The following DLGAP2 variants were observed in gnomAD, a reference collection of about 807,000 sequenced individuals.
DLGAP2 encodes the protein DLG associated protein 2.
Under a neutral mutation model 100.3 loss-of-function variants are expected in DLGAP2, and 26 were observed. That is an observed-to-expected ratio of 0.26 (90% CI 0.19 to 0.36). The LOEUF is 0.36. DLGAP2 is among the 10% of genes least tolerant of loss of function. The pLI, the probability that DLGAP2 is intolerant of heterozygous loss-of-function variation, is 1.00. For missense variants in DLGAP2, 1,858 were observed against 1,453.2 expected (o/e 1.28, Z -4.53); for synonymous variants, 886 against 630.1 (o/e 1.41, Z -6.08).
intron 2 of DLGAP2, among the ~76,000 whole-genome samples, chr8:1,198,618 G>A (rs921973688): frequency 6.6e-6 from 1 of 152,150 alleles, no homozygotes; most frequent in African/African-American, 2.4e-5. Flanking sequence ...CTGCAGACTG[G>A]CAGACCCCAA....
intron 2 of DLGAP2, among the ~76,000 whole-genome samples, chr8:1,171,200 G>A (rs537642082): frequency 3.9e-5 from 6 of 152,284 alleles, no homozygotes; most frequent in South Asian, 2.1e-4. Flanking sequence ...TTTTGAGTGA[G>A]TTTCTTAATC....
intron 3 of DLGAP2, among the ~76,000 whole-genome samples, chr8:1,439,927 G>A (rs571446485): frequency 1.3e-5 from 2 of 152,212 alleles, no homozygotes; most frequent in East Asian, 1.9e-4. Flanking sequence ...GACAGTGAAC[G>A]GAGTTTTTAT....
intron 1 of DLGAP2, among the ~76,000 whole-genome samples, chr8:848,784 G>T (rs147092088): frequency 6.8e-6 from 1 of 146,950 alleles, no homozygotes; most frequent in Non-Finnish European, 1.5e-5. Flanking sequence ...GTGTAGGGTC[G>T]TGCGGTGCGT....
chr8:1,448,418 G>A (rs1162656190), intron 3 of DLGAP2, among the ~76,000 whole-genome samples: 1 of 152,156 alleles, frequency 6.6e-6, no homozygotes, highest in Non-Finnish European at 1.5e-5. Context: ...TCTTAGTCCT[G>A]ACTTCCAGTT....
intron 1 of DLGAP2, among the ~76,000 whole-genome samples, chr8:808,960 G>C (rs991761954): frequency 1.4e-5 from 2 of 146,550 alleles, no homozygotes; most frequent in Non-Finnish European, 3.0e-5. Flanking sequence ...AGGCTGAAGT[G>C]CAGTAGTATG....
chr8:1,655,867 C>G (rs533708469), intron 8 of DLGAP2, among the ~76,000 whole-genome samples: 1 of 152,338 alleles, frequency 6.6e-6, no homozygotes. Context: ...CAGGACATGT[C>G]CTAGACAGCG....
chr8:1,357,161 A>G (rs896894541), intron 3 of DLGAP2, among the ~76,000 whole-genome samples: 2 of 152,116 alleles, frequency 1.3e-5, no homozygotes, highest in African/African-American at 2.4e-5. Flanking sequence ...CAGTCTGTGG[A>G]CCAGGAAACG....
At chr8:1,699,805 C>A (rs142933530) in intron 14 of DLGAP2, among the ~76,000 whole-genome samples, 6 of 152,244 alleles carry the variant, frequency 3.9e-5, no homozygotes, top group African/African-American at 9.6e-5. Context: ...TCCTACAGTG[C>A]CACACCCACA....
intron 8 of DLGAP2, among the ~76,000 whole-genome samples, chr8:1,658,163 C>A (rs1048157061): frequency 1.3e-5 from 2 of 152,048 alleles, no homozygotes; most frequent in East Asian, 3.9e-4. Flanking sequence ...GAGGGCTCCA[C>A]CCTCCACCTG....
intron 1 of DLGAP2, among the ~76,000 whole-genome samples, chr8:822,458 G>T (rs1057404096): frequency 2.0e-5 from 3 of 152,248 alleles, no homozygotes; most frequent in East Asian, 3.9e-4. Context: ...AAACAGAGCT[G>T]TGTTTAAAAA....
intron 2 of DLGAP2, among the ~76,000 whole-genome samples, chr8:1,011,912 A>T (rs547879954): frequency 1.3e-5 from 2 of 152,306 alleles, no homozygotes; most frequent in African/African-American, 4.8e-5. Flanking sequence ...TGTTTTACCG[A>T]GGATGCTCTC....
intron 5 of DLGAP2, among the ~76,000 whole-genome samples, chr8:1,565,084 G>A (rs1214597113): frequency 6.6e-6 from 1 of 152,214 alleles, no homozygotes; most frequent in Non-Finnish European, 1.5e-5. Flanking sequence ...ACATGAGCGG[G>A]TGCTGAGTTC....
chr8:1,248,854 G>C (rs776197548), intron 2 of DLGAP2: 3 of 152,298 alleles, frequency 2.0e-5, no homozygotes, highest in African/African-American at 7.2e-5. Flanking sequence ...ACCTGCACAC[G>C]GTCACCAGGT....
rs531737076 is a variant in DLGAP2, at chr8:1,077,864, G to C, written c.73+169898G>C. ...TCTGGGTGACACAGCGGAGCTCACA[G>C]CTGTCTCAGCACACGCCCGTGTGCG... On this transcript the variant is annotated intron_variant, in intron 2 of 14. Transcript: ENST00000637795. Among the ~76,000 whole-genome samples the C allele has an allele frequency of 5.9e-5, 9 of 152,270 alleles. 1 individual carries two copies. In the South Asian group the frequency reaches 1.9e-3, roughly 32 times the overall value.
chr8:1,477,412 C>A (rs1039105211), intron 3 of DLGAP2, among the ~76,000 whole-genome samples: 1 of 152,216 alleles, frequency 6.6e-6, no homozygotes, highest in African/African-American at 2.4e-5. Context: ...TCTCCCCACC[C>A]CTGTGAATCT....
At chr8:935,489 A>C (rs1274055499) in intron 2 of DLGAP2, among the ~76,000 whole-genome samples, 6 of 152,350 alleles carry the variant, frequency 3.9e-5, no homozygotes. Context: ...TGGATTAAAT[A>C]AACTATATTA....
At chr8:1,342,388 C>T (rs140295569) in intron 3 of DLGAP2, among the ~76,000 whole-genome samples, 7 of 152,230 alleles carry the variant, frequency 4.6e-5, no homozygotes, top group East Asian at 1.9e-4. Flanking sequence ...GCAGGTCTTC[C>T]GATTTTAAGT....
chr8:1,648,201 G>C lies in DLGAP2; in HGVS notation c.1810+15155G>C, dbSNP rs1279353964. On this transcript the variant is annotated intron_variant, in intron 8 of 14. Coordinates refer to ENST00000637795, the MANE Select transcript of DLGAP2 (RefSeq NM_001346810.2). ...TCTATTGAGAGTTTGTCCTAACTTA[G>C]AGGACTCTGACGTTTAAGTTATAAA... 2.6e-5 allele frequency among the ~76,000 whole-genome samples: 4 copies of C among 152,280 alleles called. No individual in the cohort carries two copies. The East Asian group carries it at 7.7e-4, about 29-fold the overall frequency.
At chr8:1,631,589 G>A (rs999086400) in intron 7 of DLGAP2, among the ~76,000 whole-genome samples, 7 of 152,142 alleles carry the variant, frequency 4.6e-5, no homozygotes, top group African/African-American at 1.7e-4. Context: ...TCTCTGTCCA[G>A]TGTCAGGAAT....
Sources: gnomAD v4.1 joint callset for allele counts (sites outside exome capture counted in the v4.1 genomes callset) on GRCh38, gnomAD v4.1.1 for gene constraint, MANE v1.5 for transcripts, NCBI Gene and HGNC (gene_info 2026-07-23, HGNC 2026-07-21) for gene names.